The following HIGD1A variants were observed in gnomAD, a reference collection of about 807,000 sequenced individuals.
HIGD1A encodes HIG1 domain family member 1A, mitochondrial.
In HIGD1A, 8 loss-of-function variants were observed where a neutral mutation model predicts 11.3. The ratio of observed to expected loss-of-function variants is 0.71; its 90% CI spans 0.42 to 1.28. The LOEUF is 1.28. HIGD1A is among the 50% of genes most tolerant of loss of function. The pLI, the probability that HIGD1A is intolerant of heterozygous loss-of-function variation, is 0.01. For missense variants in HIGD1A, 107 were observed against 118.8 expected (o/e 0.90, Z 0.46); for synonymous variants, 32 against 38.4 (o/e 0.83, Z 0.62).
At position 42,784,613 on chromosome 3, in the gene HIGD1A, T is replaced by A. The variant is rs1700326610; in HGVS notation, c.*658A>T. On this transcript the variant is annotated 3_prime_UTR_variant, in exon 4 of 4. Transcript: ENST00000321331. The stretch of plus-strand genomic sequence containing the variant: ...ATTTCAAGATGACATTTAAAAATTA[T>A]TCTAATATATCAGCAGCAAAAATAT... The A allele has an allele frequency of 6.6e-6, 1 of 152,656 alleles. No individual in the cohort carries two copies. Among genetic ancestry groups the A allele is most frequent in the Non-Finnish European group, 1.5e-5 (1 of 68,038 alleles). 9.5% of individuals were successfully genotyped at this position (152,656 alleles called of 1,614,324 possible).
chr3:42,796,148 G>T (rs999169577), intron 1 of HIGD1A, among the ~76,000 whole-genome samples: 1 of 152,170 alleles, frequency 6.6e-6, no homozygotes, highest in Non-Finnish European at 1.5e-5. Flanking sequence ...TCCGGAGGGG[G>T]TGGTGTGCTT....
chr3:42,792,605 C>T (rs1357160264), intron 2 of HIGD1A, among the ~76,000 whole-genome samples: 4 of 149,274 alleles, frequency 2.7e-5, no homozygotes, highest in African/African-American at 9.9e-5. Flanking sequence ...ACTCGGGAGG[C>T]GGAGCTTGCA....
chr3:42,802,569 A>G (rs951188132), intron 1 of HIGD1A, among the ~76,000 whole-genome samples: 5 of 152,234 alleles, frequency 3.3e-5, no homozygotes, highest in African/African-American at 9.6e-5. Flanking sequence ...TCTAATTACC[A>G]CGTAGAAGTT....
At position 42,785,202 on chromosome 3, in the gene HIGD1A, G is replaced by T. The variant is rs11555610; in HGVS notation, c.*69C>A. On this transcript the variant is annotated 3_prime_UTR_variant, in exon 4 of 4. Coordinates refer to ENST00000321331, the MANE Select transcript of HIGD1A (RefSeq NM_014056.4). Reference sequence around the variant, plus strand: ...ATTAGTTTATTTCCAACAATAATAGGTAACTTTAATAATAAGACATCTAAC... The same window carrying T: ...ATTAGTTTATTTCCAACAATAATAGTTAACTTTAATAATAAGACATCTAAC... 7 of 1,187,660 alleles carry T rather than the reference G, an allele frequency of 5.9e-6. No individual in the cohort carries two copies. In the African/African-American group the frequency reaches 7.7e-5, roughly 13 times the overall value. The allele number at this position is 1,187,660 out of a possible 1,614,324, so 73.6% of individuals were successfully genotyped here. A position where few individuals can be genotyped will look rare whatever the true frequency, so the allele number is the denominator to read the frequency against.
chr3:42,792,881 C>T (rs897071980), intron 2 of HIGD1A, among the ~76,000 whole-genome samples: 4 of 151,178 alleles, frequency 2.6e-5, no homozygotes, highest in Non-Finnish European at 5.9e-5. Flanking sequence ...ACTCAGGAGG[C>T]TGAGGCAGAA....
chr3:42,787,493 G>A (rs1700365257), intron 2 of HIGD1A, among the ~76,000 whole-genome samples: 1 of 151,258 alleles, frequency 6.6e-6, no homozygotes, highest in African/African-American at 2.4e-5. Flanking sequence ...TTGGGAGGCT[G>A]AGGCAGGAGA....
rs565620364 is a variant in HIGD1A at position 42,786,131 on chromosome 3, A to G, written c.129T>C (p.Tyr43=). 1 of 1,614,116 alleles carries G rather than the reference A, an allele frequency of 6.2e-7. No individual in the cohort carries two copies. Among genetic ancestry groups the G allele is most frequent in the South Asian group, 1.1e-5 (1 of 91,086 alleles). Residue 43 remains tyrosine, a synonymous_variant, in exon 3 of 4, where the codon TAT becomes TAC. Coordinates refer to ENST00000321331, the MANE Select transcript of HIGD1A (RefSeq NM_014056.4). The stretch of plus-strand genomic sequence containing the variant: ...CCCTGCTCTTCAGTTTATATAATCC[A>G]TATGCAACAATTGCTGCAAAACCCG... The part of the protein sequence containing the change: ...GIAGFAAIVA[Y]GLYKLKSRGN...
At chr3:42,787,594 A>AATATATATATATATAT (rs1163603645) in intron 2 of HIGD1A, among the ~76,000 whole-genome samples, 5 of 141,250 alleles carry the variant, frequency 3.5e-5, no homozygotes, top group African/African-American at 1.3e-4. Context: ...CCATCTCAAA[A>AATATATATATATATAT]ATATATATAT....
intron 2 of HIGD1A, 114 bp downstream of exon 2, chr3:42,794,043 C>A (rs988395004): frequency 1.0e-6 from 1 of 994,810 alleles, no homozygotes; most frequent in South Asian, 1.6e-5. Flanking sequence ...CCAATCTCAG[C>A]ATATTTCAAC....
intron 3 of HIGD1A, 24 bp downstream of exon 3, chr3:42,786,004 T>C (rs756447266): frequency 1.9e-6 from 3 of 1,610,640 alleles, no homozygotes; most frequent in Non-Finnish European, 2.5e-6. Context: ...AAACGAAAAT[T>C]TGAAATTTCC....
At chr3:42,803,870 G>GA (rs780226751) in intron 1 of HIGD1A, among the ~76,000 whole-genome samples, 4 of 152,184 alleles carry the variant, frequency 2.6e-5, no homozygotes, top group Non-Finnish European at 4.4e-5. Flanking sequence ...CAGGGTGGAG[G>GA]AAACACCAGG....
chr3:42,790,180 C>T (rs1041941614), intron 2 of HIGD1A, among the ~76,000 whole-genome samples: 9 of 152,136 alleles, frequency 5.9e-5, no homozygotes, highest in African/African-American at 1.9e-4. Context: ...TAGGAAGAAA[C>T]TCTACTGGTT....
chr3:42,785,771 A>G (rs1700342198), intron 3 of HIGD1A, among the ~76,000 whole-genome samples: 1 of 152,198 alleles, frequency 6.6e-6, no homozygotes, highest in African/African-American at 2.4e-5. Flanking sequence ...CCCCAATTAC[A>G]TGTCTAGGCT....
chr3:42,792,123 A>G (rs993458262), intron 2 of HIGD1A, among the ~76,000 whole-genome samples: 10 of 152,184 alleles, frequency 6.6e-5, no homozygotes, highest in African/African-American at 2.4e-4. Flanking sequence ...GTTGTCTTTC[A>G]GAGTCGGGAT....
chr3:42,783,863 G>C lies in HIGD1A; in HGVS notation c.*1408C>G, dbSNP rs1700312974. ...GGCCGAGGCAGGTGGATAACCTGAG[G>C]TCAGGAATTCAAGATCAGCCTGGCC... is the stretch of plus-strand genomic sequence containing the variant. On this transcript the variant is annotated 3_prime_UTR_variant, in exon 4 of 4. Transcript: ENST00000321331. 6.6e-6 allele frequency among the ~76,000 whole-genome samples: 1 copy of C among 152,058 alleles called. No homozygotes were observed.
intron 2 of HIGD1A, among the ~76,000 whole-genome samples, chr3:42,792,976 CCTT>C (rs1700445338): frequency 1.3e-5 from 2 of 150,162 alleles, no homozygotes. Flanking sequence ...GAGTGAAACT[CCTT>C]CTCGGAAAAA....
intron 2 of HIGD1A, among the ~76,000 whole-genome samples, chr3:42,787,594 A>AATATATATATATATATATATATATATAT (rs1163603645): frequency 2.3e-4 from 33 of 141,194 alleles, no homozygotes; most frequent in African/African-American, 8.4e-4. Context: ...CCATCTCAAA[A>AATATATATATATATATATATATATATAT]ATATATATAT....
intron 2 of HIGD1A, among the ~76,000 whole-genome samples, chr3:42,790,162 C>T (rs767205982): frequency 4.6e-5 from 7 of 152,226 alleles, no homozygotes; most frequent in South Asian, 2.1e-4. Context: ...AAAAACTATA[C>T]GCATAATTAG....
chr3:42,789,038 ATTTTT>A (rs35390450), intron 2 of HIGD1A, among the ~76,000 whole-genome samples: 2 of 113,948 alleles, frequency 1.8e-5, no homozygotes, highest in Admixed American at 1.1e-4. Context: ...TACTTTGGGA[ATTTTT>A]TTTTTTTTTT....
Sources: allele counts gnomAD v4.1 joint callset (sites outside exome capture counted in the v4.1 genomes callset), GRCh38; gene constraint gnomAD v4.1.1; transcripts MANE v1.5; gene names NCBI Gene and HGNC (gene_info 2026-07-23, HGNC 2026-07-21).